The following DCTN4 variants were observed in gnomAD, a reference collection of about 807,000 sequenced individuals.
DCTN4 encodes dynactin 4 (p62).
DCTN4 carries 23 observed loss-of-function variants against 62.7 expected under a neutral mutation model. The observed-to-expected ratio is 0.37, with a 90% confidence interval of 0.26 to 0.52. The LOEUF is 0.52. DCTN4 is among the 20% of genes least tolerant of loss of function. DCTN4 has a pLI of 0.92. For synonymous variants in DCTN4, 199 were observed against 202.1 expected (o/e 0.98, Z 0.13); for missense variants, 514 against 580.4 (o/e 0.89, Z 1.18).
At chr5:150,733,082 G>A (rs17111318) in intron 5 of DCTN4, among the ~76,000 whole-genome samples, 22,941 of 152,098 alleles carry the variant, frequency 0.15, 3,121 homozygotes, top group African/African-American at 0.36. Flanking sequence ...AGCTGTACGT[G>A]GAACTCTGCA....
At chr5:150,715,535 T>A in intron 12 of DCTN4, 30 bp downstream of exon 12, 7 of 1,584,248 alleles carry the variant, frequency 4.4e-6, no homozygotes, top group Non-Finnish European at 6.1e-6. Context: ...CAGCCATTTG[T>A]TGTATGGGGA....
At position 150,710,897 on chromosome 5, in the gene DCTN4, G is replaced by T; in HGVS notation, c.*252C>A. 1 of 502,720 alleles carries T rather than the reference G, an allele frequency of 2.0e-6. No homozygotes were observed. Among genetic ancestry groups the T allele is most frequent in the Non-Finnish European group, 3.6e-6 (1 of 276,340 alleles). The allele number at this position is 502,720 out of a possible 1,614,324, so 31.1% of individuals were successfully genotyped here. ...CCCTTTCCTAGGATGGAATTATGCT[G>T]CTGTTACTCAACGTGCAGGGTTCAG... is the stretch of plus-strand genomic sequence containing the variant. On this transcript the variant is annotated 3_prime_UTR_variant, in exon 13 of 13. Coordinates refer to ENST00000447998, the MANE Select transcript of DCTN4 (RefSeq NM_016221.4).
chr5:150,747,887 C>T (rs1752515579), intron 3 of DCTN4, among the ~76,000 whole-genome samples: 1 of 145,968 alleles, frequency 6.9e-6, no homozygotes, highest in Non-Finnish European at 1.5e-5. Context: ...TGGGCAAGGA[C>T]TTCATGTCTA....
chr5:150,753,169 C>A (rs1407158606), intron 3 of DCTN4, among the ~76,000 whole-genome samples: 1 of 152,172 alleles, frequency 6.6e-6, no homozygotes, highest in Non-Finnish European at 1.5e-5. Context: ...CCGGCCTTAT[C>A]TTTTAGTTTT....
intron 4 of DCTN4, among the ~76,000 whole-genome samples, chr5:150,737,643 C>T (rs1760629194): frequency 6.6e-6 from 1 of 152,034 alleles, no homozygotes; most frequent in Non-Finnish European, 1.5e-5. Context: ...AAGTTCATAG[C>T]ATTAAATACC....
chr5:150,757,694 AT>A (rs1752912492), intron 1 of DCTN4, among the ~76,000 whole-genome samples: 1 of 152,114 alleles, frequency 6.6e-6, no homozygotes, highest in African/African-American at 2.4e-5. Flanking sequence ...AATATATACG[AT>A]TTTTCTTGTA....
intron 11 of DCTN4, 105 bp from the exon 12 acceptor site, chr5:150,715,767 G>C: frequency 1.2e-6 from 1 of 846,090 alleles, no homozygotes; most frequent in South Asian, 1.5e-5. Context: ...GCAAGTTTCA[G>C]GAAACATATA....
At chr5:150,756,549 G>A (rs1752871667) in intron 1 of DCTN4, 62 bp from the exon 2 acceptor site, 12 of 1,059,936 alleles carry the variant, frequency 1.1e-5, no homozygotes, top group Non-Finnish European at 1.4e-6. Context: ...TTGTGTATAT[G>A]TCTTGTCAAA....
intron 3 of DCTN4, among the ~76,000 whole-genome samples, chr5:150,743,587 C>T (rs553005469): frequency 6.6e-6 from 1 of 152,304 alleles, no homozygotes; most frequent in East Asian, 1.9e-4. Context: ...CGGCCGGGTA[C>T]TCCTCTGAGA....
chr5:150,734,149 C>T (rs1250188192), intron 4 of DCTN4: 1 of 152,170 alleles, frequency 6.6e-6, no homozygotes. Flanking sequence ...AGCTTCCCCT[C>T]AGACAGACAG....
rs574576207 is a variant in DCTN4, at chr5:150,740,944, C to T, written c.429+1170G>A. 2.0e-5 allele frequency among the ~76,000 whole-genome samples: 3 copies of T among 152,256 alleles called. No homozygotes were observed. In the East Asian group the frequency reaches 5.8e-4, roughly 29 times the overall value. On this transcript the variant is annotated intron_variant, in intron 4 of 12. Transcript: ENST00000447998. The stretch of plus-strand genomic sequence containing the variant: ...AGGATAAAATACTACACATTAGGTA[C>T]AGTGTACACTGCTCAGGTGATAGGT...
chr5:150,718,322 A>G lies in DCTN4; in HGVS notation c.1025T>C (p.Phe342Ser). ...ATCAGGGTCCCCCTCCTCACACTCG[A>G]AGAGAGTCACATGGGTGAGGTTCTC... is the stretch of plus-strand genomic sequence containing the variant. Reference protein sequence around the residue: ...PVENLTHVTLFECEEGDPDDI... With the variant: ...PVENLTHVTLSECEEGDPDDI... The change falls in exon 11 of 13, where the codon TTC becomes TCC. Residue 342 changes from phenylalanine to serine, a missense_variant. By Grantham distance (155) the Phe-to-Ser change is radical (BLOSUM62 -2). Transcript: ENST00000447998. 6.2e-7 allele frequency: 1 copy of G among 1,614,142 alleles called. No homozygotes were observed. The highest frequency in any genetic ancestry group is 8.5e-7 in the Non-Finnish European group (1 of 1,179,996).
At chr5:150,726,337 GA>G (rs1760144563) in intron 8 of DCTN4, among the ~76,000 whole-genome samples, 1 of 152,166 alleles carries the variant, frequency 6.6e-6, no homozygotes, top group Admixed American at 6.5e-5. Context: ...ACCTCCTCGA[GA>G]CATGCATTGC....
chr5:150,743,669 C>T (rs1457930711), intron 3 of DCTN4, among the ~76,000 whole-genome samples: 1 of 152,240 alleles, frequency 6.6e-6, no homozygotes, highest in Non-Finnish European at 1.5e-5. Flanking sequence ...GCAGACACCA[C>T]TGCTGATACC....
At chr5:150,737,180 G>A (rs917749103) in intron 4 of DCTN4, among the ~76,000 whole-genome samples, 51 of 152,102 alleles carry the variant, frequency 3.4e-4, no homozygotes, top group African/African-American at 1.1e-3. Flanking sequence ...GGACTTCAAC[G>A]CTCCACCAAC....
chr5:150,711,407 A>G (rs1441656855), intron 12 of DCTN4, 45 bp from the exon 13 acceptor site: 5 of 1,498,238 alleles, frequency 3.3e-6, no homozygotes, highest in Non-Finnish European at 4.6e-6. Context: ...TAAAAAAATC[A>G]GCCAAACCAC....
chr5:150,758,703 G>T, intron 1 of DCTN4, 156 bp downstream of exon 1: 1 of 1,344,492 alleles, frequency 7.4e-7, no homozygotes, highest in Non-Finnish European at 1.0e-6. Context: ...CCAAGTGACA[G>T]ATTAGAAGCA....
chr5:150,756,718 T>C (rs1369608104), intron 1 of DCTN4, among the ~76,000 whole-genome samples: 3 of 152,092 alleles, frequency 2.0e-5, no homozygotes, highest in Non-Finnish European at 4.4e-5. Context: ...ATCAGGGTTT[T>C]ATGTGTTAAA....
chr5:150,722,611 T>C (rs1185591079), intron 9 of DCTN4, among the ~76,000 whole-genome samples: 1 of 152,316 alleles, frequency 6.6e-6, no homozygotes, highest in Non-Finnish European at 1.5e-5. Context: ...CAAACTCAGA[T>C]ACTTTATAAT....
Sources: gnomAD v4.1 joint callset for allele counts (sites outside exome capture counted in the v4.1 genomes callset) on GRCh38, gnomAD v4.1.1 for gene constraint, MANE v1.5 for transcripts, NCBI Gene and HGNC (gene_info 2026-07-23, HGNC 2026-07-21) for gene names.